The following HHAT variants were observed in gnomAD, a reference collection of about 807,000 sequenced individuals.
HHAT encodes protein-cysteine N-palmitoyltransferase HHAT.
In HHAT, 47 loss-of-function variants were observed where a neutral mutation model predicts 70.8. That is an observed-to-expected ratio of 0.66 (90% CI 0.53 to 0.85). The LOEUF (loss-of-function observed/expected upper bound fraction) is 0.85, where lower values mean the gene tolerates loss of function less well. Among genes scored for constraint, HHAT ranks in the 40% least tolerant of loss-of-function variants. HHAT has a pLI of 0.00. For synonymous variants in HHAT, 228 were observed against 247.6 expected, an observed-to-expected ratio of 0.92 and a Z score of 0.74; for missense variants, 609 against 604.8, an observed-to-expected ratio of 1.01 and a Z score of -0.07.
At chr1:210,527,794 AC>A (rs1479788133) in intron 9 of HHAT, among the ~76,000 whole-genome samples, 1 of 152,202 alleles carries the variant, frequency 6.6e-6, no homozygotes, top group Non-Finnish European at 1.5e-5. Flanking sequence ...TCTAGTGTGT[AC>A]TAGCCATGTG....
chr1:210,531,582 G>GT lies in HHAT; in HGVS notation c.1043+18400dup, dbSNP rs563568175. 1.3e-3 allele frequency among the ~76,000 whole-genome samples: 193 copies of GT among 152,252 alleles called. 1 individual carries two copies. The highest frequency in any genetic ancestry group is 4.5e-3 in the African/African-American group (185 of 41,534). On this transcript the variant is annotated intron_variant, in intron 9 of 11. Coordinates refer to ENST00000261458, the MANE Select transcript of HHAT (RefSeq NM_018194.6). ...TACTGCATACTAAGTCTGAGCCTCG[G>GT]TTTTTTCATTTGTAAGTTGGAAATG...
intron 2 of HHAT, among the ~76,000 whole-genome samples, chr1:210,349,325 T>C (rs2086807265): frequency 6.6e-6 from 1 of 152,198 alleles, no homozygotes; most frequent in Non-Finnish European, 1.5e-5. Context: ...TTGAAGGCCG[T>C]GGAGGGGATT....
intron 8 of HHAT, among the ~76,000 whole-genome samples, chr1:210,498,762 G>GTTT (rs67506355): frequency 7.0e-6 from 1 of 143,692 alleles, no homozygotes; most frequent in African/African-American, 2.6e-5. Flanking sequence ...CTTGCAGTCT[G>GTTT]TTTTTTTTTT....
At chr1:210,626,953 A>T (rs1669949128) in intron 11 of HHAT, among the ~76,000 whole-genome samples, 1 of 152,212 alleles carries the variant, frequency 6.6e-6, no homozygotes, top group Non-Finnish European at 1.5e-5. Context: ...GGGACACATG[A>T]TCAGTTCCTG....
chr1:210,345,086 C>T (rs1380277514), intron 1 of HHAT, among the ~76,000 whole-genome samples: 1 of 152,132 alleles, frequency 6.6e-6, no homozygotes, highest in Non-Finnish European at 1.5e-5. Context: ...TTTCTTTCTG[C>T]CATACCTCTA....
At chr1:210,615,204 A>T (rs1370315285) in intron 10 of HHAT, among the ~76,000 whole-genome samples, 1 of 152,182 alleles carries the variant, frequency 6.6e-6, no homozygotes, top group Non-Finnish European at 1.5e-5. Flanking sequence ...GCTGCATTAA[A>T]TGTCTCCTTT....
chr1:210,514,388 G>A (rs945152920), intron 9 of HHAT, among the ~76,000 whole-genome samples: 1 of 152,224 alleles, frequency 6.6e-6, no homozygotes, highest in East Asian at 1.9e-4. Context: ...CAAAGAACCA[G>A]CAGTCATGGG....
intron 1 of HHAT, among the ~76,000 whole-genome samples, chr1:210,343,639 G>A (rs1201851207): frequency 6.6e-6 from 1 of 152,224 alleles, no homozygotes; most frequent in Non-Finnish European, 1.5e-5. Flanking sequence ...AGAGACGTAG[G>A]TGGTGAGGAA....
intron 7 of HHAT, among the ~76,000 whole-genome samples, chr1:210,454,084 G>A (rs985316854): frequency 5.9e-5 from 9 of 152,166 alleles, no homozygotes; most frequent in African/African-American, 1.7e-4. Context: ...CGAGAATAGC[G>A]TGGGAAAGAC....
chr1:210,397,623 G>A (rs2091862916), intron 4 of HHAT, among the ~76,000 whole-genome samples: 1 of 151,618 alleles, frequency 6.6e-6, no homozygotes, highest in Admixed American at 6.6e-5. Flanking sequence ...AATACTGATA[G>A]TTAAGCATTT....
chr1:210,329,041 G>A lies in HHAT; in HGVS notation c.-107G>A, dbSNP rs1373365313. 1.4e-6 allele frequency: 2 copies of A among 1,431,716 alleles called. No homozygotes were observed. Among genetic ancestry groups the A allele is most frequent in the East Asian group, 3.0e-5 (1 of 33,188 alleles). 88.7% of individuals were successfully genotyped at this position (1,431,716 alleles called of 1,614,324 possible). On this transcript the variant is annotated 5_prime_UTR_variant, in exon 1 of 12. Transcript: ENST00000261458. The stretch of plus-strand genomic sequence containing the variant: ...GCTGGGACTCGGAAGTGCCGAAAGA[G>A]GGGTGTTGGGAACTCGCGGCGCGCG...
intron 8 of HHAT, among the ~76,000 whole-genome samples, chr1:210,472,332 A>G (rs1397048690): frequency 6.6e-6 from 1 of 152,240 alleles, no homozygotes; most frequent in Non-Finnish European, 1.5e-5. Context: ...ACTGAGGCAT[A>G]GAGAAGTGGA....
chr1:210,362,279 C>T (rs2088427388), intron 2 of HHAT, among the ~76,000 whole-genome samples: 1 of 144,758 alleles, frequency 6.9e-6, no homozygotes, highest in Non-Finnish European at 1.5e-5. Flanking sequence ...GAGTCTTGCT[C>T]TTGTTGCCCA....
intron 11 of HHAT, among the ~76,000 whole-genome samples, chr1:210,672,699 A>C (rs1475854128): frequency 6.6e-6 from 1 of 152,204 alleles, no homozygotes; most frequent in Non-Finnish European, 1.5e-5. Context: ...CATGCAGAAG[A>C]CATGAAGATT....
chr1:210,503,306 G>T (rs537873655), intron 8 of HHAT, among the ~76,000 whole-genome samples: 51 of 152,262 alleles, frequency 3.3e-4, no homozygotes, highest in African/African-American at 1.2e-3. Context: ...CTCCTAGCAA[G>T]GCAGGGGTGA....
intron 10 of HHAT, among the ~76,000 whole-genome samples, chr1:210,608,599 A>G (rs1665980615): frequency 6.6e-6 from 1 of 152,124 alleles, no homozygotes; most frequent in South Asian, 2.1e-4. Context: ...TCTGTTTGGT[A>G]TTATTATTGG....
chr1:210,541,048 C>A (rs528940311), intron 9 of HHAT, among the ~76,000 whole-genome samples: 206 of 152,256 alleles, frequency 1.4e-3, no homozygotes, highest in African/African-American at 4.8e-3. Context: ...ACCCTGTTGC[C>A]CAGTCTGGTC....
At chr1:210,364,109 GC>G (rs1251691443) in intron 3 of HHAT, among the ~76,000 whole-genome samples, 4 of 152,220 alleles carry the variant, frequency 2.6e-5, no homozygotes, top group African/African-American at 9.6e-5. Context: ...AGAGCATCCT[GC>G]CCTGCATGGG....
Position 210,362,834 on chromosome 1 carries a change from C to CTTT in HHAT, c.92-9_92-7dup. 2.5e-6 allele frequency: 3 copies of CTTT among 1,211,366 alleles called. No homozygotes were observed. Among genetic ancestry groups the CTTT allele is most frequent in the South Asian group, 1.4e-5 (1 of 69,530 alleles). The allele number at this position is 1,211,366 out of a possible 1,614,324, so 75.0% of individuals were successfully genotyped here. A position where few individuals can be genotyped will look rare whatever the true frequency, so the allele number is the denominator to read the frequency against. ...TGTTTAGATTTGTGACTAACGAAGA[C>CTTT]TTTTTTTTTTTGGTCAGAACACGAA... On this transcript the variant is annotated splice_polypyrimidine_tract_variant and intron_variant, in intron 2 of 11. Coordinates refer to ENST00000261458, the MANE Select transcript of HHAT (RefSeq NM_018194.6).
Sources: allele counts gnomAD v4.1 joint callset (sites outside exome capture counted in the v4.1 genomes callset), GRCh38; gene constraint gnomAD v4.1.1; transcripts MANE v1.5; gene names NCBI Gene and HGNC (gene_info 2026-07-23, HGNC 2026-07-21).